Variants in ZNG1A observed in about 807,000 individuals in gnomAD.
ZNG1A encodes Zn regulated GTPase metalloprotein activator 1A.
the ZNG1A span, chr9:161,671 C>T: frequency 3.3e-6 from 4 of 1,197,208 alleles, no homozygotes; most frequent in Non-Finnish European, 4.4e-6. Flanking sequence ...AGTTGAGAAA[C>T]ATCATTTTAC....
the ZNG1A span, among the ~76,000 whole-genome samples, chr9:141,999 A>G: frequency 2.0e-5 from 3 of 146,858 alleles, no homozygotes; most frequent in East Asian, 6.2e-4. Flanking sequence ...TAACTATCCT[A>G]AATATATATA....
chr9:156,523 A>G, the ZNG1A span: 30 of 1,595,984 alleles, frequency 1.9e-5, no homozygotes, highest in African/African-American at 2.4e-4. Context: ...CTCTTCTGTT[A>G]AATGCTAAAC....
the ZNG1A span, among the ~76,000 whole-genome samples, chr9:152,326 T>C: frequency 1.3e-5 from 2 of 152,290 alleles, no homozygotes; most frequent in East Asian, 3.9e-4. Flanking sequence ...TTCGCACAAC[T>C]GTCAGATTAA....
the ZNG1A span, among the ~76,000 whole-genome samples, chr9:170,531 G>A: frequency 1.3e-5 from 2 of 150,642 alleles, no homozygotes; most frequent in African/African-American, 4.9e-5. Context: ...GGATTATGGG[G>A]TGCGCCACAT....
the ZNG1A span, among the ~76,000 whole-genome samples, chr9:176,042 C>A: frequency 6.7e-6 from 1 of 149,482 alleles, no homozygotes. Flanking sequence ...CCTAACCTTC[C>A]CTAAAATTTA....
At chr9:122,863 T>C in the ZNG1A span, 1 of 755,338 alleles carries the variant, frequency 1.3e-6, no homozygotes, top group Non-Finnish European at 1.6e-6. Flanking sequence ...TTTGTAACTT[T>C]GTTTAGAGTA....
the ZNG1A span, chr9:123,448 C>T: frequency 6.7e-7 from 1 of 1,495,094 alleles, no homozygotes; most frequent in South Asian, 1.2e-5. Flanking sequence ...GTGATTGTAA[C>T]AATACTCTGT....
the ZNG1A span, among the ~76,000 whole-genome samples, chr9:167,808 T>C: frequency 6.9e-6 from 1 of 144,830 alleles, no homozygotes; most frequent in Non-Finnish European, 1.5e-5. Flanking sequence ...GGAAGTTATG[T>C]TGAAAGCCAA....
chr9:139,669 C>A, the ZNG1A span, among the ~76,000 whole-genome samples: 1 of 151,868 alleles, frequency 6.6e-6, no homozygotes, highest in Non-Finnish European at 1.5e-5. Flanking sequence ...CCAAGATGGC[C>A]AAATAGGAAC....
chr9:141,340 C>T, the ZNG1A span, among the ~76,000 whole-genome samples: 2 of 145,834 alleles, frequency 1.4e-5, no homozygotes, highest in South Asian at 2.3e-4. Context: ...AACAGCGGAT[C>T]TCTTGGCAGA....
At chr9:135,278 T>C in the ZNG1A span, among the ~76,000 whole-genome samples, 31 of 149,368 alleles carry the variant, frequency 2.1e-4, 1 homozygote, top group African/African-American at 7.3e-4. Flanking sequence ...AGAGAAAAAC[T>C]AGTCTTTTAG....
At chr9:156,135 A>T in the ZNG1A span, among the ~76,000 whole-genome samples, 72,092 of 137,632 alleles carry the variant, frequency 0.52, 18,454 homozygotes, top group Non-Finnish European at 0.57. Context: ...AAAAAATAAT[A>T]ATTATTATTA....
the ZNG1A span, among the ~76,000 whole-genome samples, chr9:126,616 A>C: frequency 6.6e-6 from 1 of 151,990 alleles, no homozygotes; most frequent in Non-Finnish European, 1.5e-5. Flanking sequence ...TGATCTTGCT[A>C]ACGGTCTATC....
the ZNG1A span, chr9:172,273 AC>A: frequency 6.8e-7 from 1 of 1,460,956 alleles, no homozygotes; most frequent in Non-Finnish European, 9.4e-7. Flanking sequence ...AGACAAAAGT[AC>A]CCTTGGGAAT....
At chr9:125,007 G>A in the ZNG1A span, among the ~76,000 whole-genome samples, 3 of 152,200 alleles carry the variant, frequency 2.0e-5, no homozygotes. Context: ...CAATTGTGCT[G>A]CTATAAACAT....
the ZNG1A span, among the ~76,000 whole-genome samples, chr9:142,096 G>A: frequency 1.4e-5 from 2 of 146,036 alleles, no homozygotes; most frequent in African/African-American, 5.3e-5. Flanking sequence ...AATAATGGGA[G>A]ACTTTAACAC....
At chr9:160,241 G>A in the ZNG1A span, 3 of 452,880 alleles carry the variant, frequency 6.6e-6, no homozygotes, top group Non-Finnish European at 1.3e-5. Flanking sequence ...TTGGCTGGCT[G>A]GCCACAGGGT....
At chr9:128,696 A>C in the ZNG1A span, among the ~76,000 whole-genome samples, 1 of 149,094 alleles carries the variant, frequency 6.7e-6, no homozygotes. Context: ...ATTTCTTCTT[A>C]GTTTGGATCC....
At chr9:156,154 C>CATATATATAT in the ZNG1A span, among the ~76,000 whole-genome samples, 2,012 of 133,828 alleles carry the variant, frequency 0.015, 21 homozygotes, top group South Asian at 0.046. Flanking sequence ...TATTATTATA[C>CATATATATAT]ATATATATAT....
Sources: allele counts gnomAD v4.1 joint callset (sites outside exome capture counted in the v4.1 genomes callset), GRCh38; gene constraint gnomAD v4.1.1; transcripts MANE v1.5; gene names NCBI Gene and HGNC (gene_info 2026-07-23, HGNC 2026-07-21).